Variants in LRRC4C observed in about 807,000 individuals in gnomAD.
LRRC4C encodes the protein leucine-rich repeat-containing protein 4C.
A neutral mutation model predicts 33.6 loss-of-function variants in LRRC4C; 5 were observed. That is an observed-to-expected ratio of 0.15 (90% CI 0.08 to 0.31). The LOEUF (loss-of-function observed/expected upper bound fraction) is 0.31. Among genes scored for constraint, LRRC4C ranks in the 10% least tolerant of loss-of-function variants. LRRC4C has a pLI of 1.00. For missense variants in LRRC4C, 560 were observed against 796.7 expected (o/e 0.70, Z 3.58); for synonymous variants, 329 against 302.0 (o/e 1.09, Z -0.93).
intron 1 of LRRC4C, among the ~76,000 whole-genome samples, chr11:41,018,320 C>T (rs1453720697): frequency 2.0e-5 from 3 of 152,084 alleles, no homozygotes; most frequent in Non-Finnish European, 2.9e-5. Context: ...TAGATCAGCA[C>T]CAAAATCTTT....
Position 41,153,384 on chromosome 11 carries a change from A to G in LRRC4C, c.-495-219661T>C, listed in dbSNP as rs1397357462. On this transcript the variant is annotated intron_variant, in intron 1 of 6. Coordinates refer to ENST00000528697, the MANE Select transcript of LRRC4C (RefSeq NM_001258419.2). ...GTACATGACTCACACTGTTTACTCAATAAATATGTACTGAATAAGTTTATG... is the reference window on the plus strand; with the variant it reads ...GTACATGACTCACACTGTTTACTCAGTAAATATGTACTGAATAAGTTTATG... 2.6e-5 allele frequency among the ~76,000 whole-genome samples: 4 copies of G among 152,142 alleles called. No homozygotes were observed. In the East Asian group the frequency reaches 7.7e-4, roughly 29 times the overall value.
intron 2 of LRRC4C, among the ~76,000 whole-genome samples, chr11:40,740,332 T>C (rs956469012): frequency 1.2e-4 from 19 of 152,080 alleles, no homozygotes; most frequent in Non-Finnish European, 2.1e-4. Context: ...TTGTTATCTT[T>C]TGTCTTCTTG....
At chr11:41,026,117 T>G (rs983103931) in intron 1 of LRRC4C, among the ~76,000 whole-genome samples, 1 of 151,744 alleles carries the variant, frequency 6.6e-6, no homozygotes, top group Admixed American at 6.6e-5. Context: ...AGGAAATACA[T>G]TTTGTAAGGC....
chr11:41,257,230 C>A (rs1948830743), intron 1 of LRRC4C, among the ~76,000 whole-genome samples: 2 of 151,842 alleles, frequency 1.3e-5, no homozygotes, highest in African/African-American at 4.8e-5. Context: ...TACAGCTCAA[C>A]TATTTAGTAG....
rs1377570133 is a variant in LRRC4C at position 40,532,928 on chromosome 11, C to T, written c.-270+115214G>A. Among the ~76,000 whole-genome samples, 5 of 152,160 alleles carry T rather than the reference C, an allele frequency of 3.3e-5. No homozygotes were observed. In the East Asian group the frequency reaches 9.7e-4, roughly 30 times the overall value. On this transcript the variant is annotated intron_variant, in intron 3 of 6. Transcript: ENST00000528697. Reference sequence around the variant, plus strand: ...GCAAGGCACCTTCTTCACAAGGTAGCAGGAGGAAAACTAAATGCAGGAGGA... The same window carrying T: ...GCAAGGCACCTTCTTCACAAGGTAGTAGGAGGAAAACTAAATGCAGGAGGA...
At chr11:41,280,652 CAA>C (rs1303462037) in intron 1 of LRRC4C, among the ~76,000 whole-genome samples, 1 of 152,102 alleles carries the variant, frequency 6.6e-6, no homozygotes, top group Non-Finnish European at 1.5e-5. Context: ...GTCAGATAAT[CAA>C]AGACTAAGAT....
At chr11:40,145,440 T>C (rs1857657464) in intron 5 of LRRC4C, among the ~76,000 whole-genome samples, 1 of 152,136 alleles carries the variant, frequency 6.6e-6, no homozygotes. Context: ...TCTCAACCAA[T>C]GGGAAAAAAA....
chr11:41,331,472 G>A (rs576779831), intron 1 of LRRC4C, among the ~76,000 whole-genome samples: 52 of 152,010 alleles, frequency 3.4e-4, no homozygotes, highest in Non-Finnish European at 4.7e-4. Context: ...GGAAAATCAC[G>A]CCAAGTATTA....
intron 2 of LRRC4C, among the ~76,000 whole-genome samples, chr11:40,697,892 A>AC (rs1158128482): frequency 4.6e-5 from 7 of 151,760 alleles, no homozygotes; most frequent in Non-Finnish European, 8.8e-5. Context: ...ACACGGTGAA[A>AC]CTCGTCTCTA....
At chr11:40,796,710 G>A (rs538733863) in intron 2 of LRRC4C, among the ~76,000 whole-genome samples, 12 of 144,060 alleles carry the variant, frequency 8.3e-5, no homozygotes, top group African/African-American at 2.9e-4. Context: ...GCAATGGTGC[G>A]ACCTTGGCTC....
intron 1 of LRRC4C, among the ~76,000 whole-genome samples, chr11:41,346,197 G>A (rs1487919668): frequency 2.6e-5 from 4 of 152,074 alleles, no homozygotes; most frequent in South Asian, 2.1e-4. Flanking sequence ...GAGAGGAATC[G>A]CAGTGTCAGT....
intron 3 of LRRC4C, among the ~76,000 whole-genome samples, chr11:40,535,048 T>C (rs1956415951): frequency 6.6e-6 from 1 of 151,998 alleles, no homozygotes. Context: ...AAAGGACAAA[T>C]GGTAGAGGAA....
At chr11:40,850,629 G>A (rs1264641802) in intron 2 of LRRC4C, among the ~76,000 whole-genome samples, 4 of 152,226 alleles carry the variant, frequency 2.6e-5, no homozygotes, top group African/African-American at 9.6e-5. Flanking sequence ...GAGGCAGGCA[G>A]TCTGTCCCTT....
intron 2 of LRRC4C, among the ~76,000 whole-genome samples, chr11:40,784,975 G>A (rs1000050359): frequency 2.0e-5 from 3 of 152,090 alleles, no homozygotes; most frequent in African/African-American, 4.8e-5. Flanking sequence ...GAGAGTTACC[G>A]TCAGCCGACA....
intron 1 of LRRC4C, among the ~76,000 whole-genome samples, chr11:41,341,370 C>T (rs988001716): frequency 2.6e-5 from 4 of 152,092 alleles, no homozygotes; most frequent in Admixed American, 2.6e-4. Flanking sequence ...ATTCTCTGGG[C>T]GAGGTTCTGC....
intron 2 of LRRC4C, among the ~76,000 whole-genome samples, chr11:40,817,940 C>CA (rs1951772524): frequency 6.6e-6 from 1 of 152,066 alleles, no homozygotes; most frequent in Non-Finnish European, 1.5e-5. Context: ...ATCATGTCAG[C>CA]AATTCACCCA....
At chr11:40,539,251 G>C (rs150808739) in intron 3 of LRRC4C, among the ~76,000 whole-genome samples, 50 of 152,216 alleles carry the variant, frequency 3.3e-4, no homozygotes, top group South Asian at 4.1e-4. Flanking sequence ...CATTTCACAT[G>C]CTTCACCATT....
At chr11:41,209,410 C>A (rs938912671) in intron 1 of LRRC4C, among the ~76,000 whole-genome samples, 3 of 151,576 alleles carry the variant, frequency 2.0e-5, no homozygotes, top group African/African-American at 7.2e-5. Flanking sequence ...AGCACAAAAC[C>A]CGTAGTTTCA....
intron 1 of LRRC4C, among the ~76,000 whole-genome samples, chr11:41,232,304 A>C (rs1431506049): frequency 6.6e-6 from 1 of 152,080 alleles, no homozygotes; most frequent in African/African-American, 2.4e-5. Context: ...GGTGACTTTG[A>C]TATACTGGAC....
Sources: gnomAD v4.1 joint callset for allele counts (sites outside exome capture counted in the v4.1 genomes callset) on GRCh38, gnomAD v4.1.1 for gene constraint, MANE v1.5 for transcripts, NCBI Gene and HGNC (gene_info 2026-07-23, HGNC 2026-07-21) for gene names.